The following PDCD6IP variants were observed in gnomAD, a reference collection of about 807,000 sequenced individuals.
PDCD6IP encodes programmed cell death 6 interacting protein.
PDCD6IP carries 43 observed loss-of-function variants against 103.7 expected under a neutral mutation model. That is an observed-to-expected ratio of 0.41 (90% confidence interval 0.32 to 0.53). The LOEUF (loss-of-function observed/expected upper bound fraction) is 0.53, where lower values mean the gene tolerates loss of function less well. Ranked by LOEUF, PDCD6IP falls within the 20% of genes least tolerant of loss-of-function variation. The probability of loss-of-function intolerance (pLI) is 0.16; values close to 1 mark genes in which losing one functional copy is unlikely to be tolerated. For missense variants in PDCD6IP, 871 were observed against 1,036.7 expected, an observed-to-expected ratio of 0.84 and a Z score of 2.20; for synonymous variants, 354 against 378.7, an observed-to-expected ratio of 0.93 and a Z score of 0.76.
intron 12 of PDCD6IP, among the ~76,000 whole-genome samples, chr3:33,848,662 C>G (rs1002969273): frequency 2.6e-5 from 4 of 152,128 alleles, no homozygotes; most frequent in African/African-American, 7.2e-5. Flanking sequence ...CTTGGCCTCC[C>G]AAAGTGCTGG....
intron 7 of PDCD6IP, among the ~76,000 whole-genome samples, chr3:33,835,003 T>C (rs1697316650): frequency 6.6e-6 from 1 of 152,220 alleles, no homozygotes; most frequent in African/African-American, 2.4e-5. Context: ...TATAATTGTT[T>C]ATATAGATAC....
rs1194407247 is a variant in PDCD6IP, at chr3:33,866,346, A to G, written c.2433-5A>G. On this transcript the variant is annotated splice_region_variant and splice_polypyrimidine_tract_variant and intron_variant, in intron 17 of 17. Coordinates refer to ENST00000307296, the MANE Select transcript of PDCD6IP (RefSeq NM_013374.6). ...AATCAAGATTTTTCTGTTTTCTTCT[A>G]TCAGGTATTGCCAAATGCCCATGCC... 14 of 1,405,272 alleles carry G rather than the reference A, an allele frequency of 1.0e-5. No homozygotes were observed. The highest frequency in any genetic ancestry group is 3.1e-5 in the African/African-American group (2 of 65,090). The allele number at this position is 1,405,272 out of a possible 1,614,324, so 87.1% of individuals were successfully genotyped here. A position where few individuals can be genotyped will look rare whatever the true frequency, so the allele number is the denominator to read the frequency against.
intron 17 of PDCD6IP, 56 bp downstream of exon 17, chr3:33,865,486 C>G: frequency 6.9e-7 from 1 of 1,455,678 alleles, no homozygotes; most frequent in Non-Finnish European, 9.2e-7. Context: ...TAGGCTCTGG[C>G]TAACCTGTTA....
At chr3:33,828,763 GTCT>G (rs760259920) in intron 6 of PDCD6IP, 87 bp from the exon 7 acceptor site, 109 of 1,428,462 alleles carry the variant, frequency 7.6e-5, no homozygotes, top group Admixed American at 1.3e-4. Flanking sequence ...TCTAATTTCT[GTCT>G]TCTTTTCCTT....
chr3:33,842,133 A>G (rs1697490543), intron 10 of PDCD6IP, 59 bp downstream of exon 10: 2 of 1,020,500 alleles, frequency 2.0e-6, no homozygotes, highest in East Asian at 4.8e-5. Flanking sequence ...GATGTCCAGC[A>G]GGGATTGGGA....
intron 1 of PDCD6IP, among the ~76,000 whole-genome samples, chr3:33,803,357 G>A (rs1259438609): frequency 1.3e-5 from 2 of 152,186 alleles, no homozygotes; most frequent in Admixed American, 6.5e-5. Context: ...ATGGGTGAGA[G>A]ATAGTACCTT....
rs1697791383 is a variant in PDCD6IP, at chr3:33,854,742, AT to A, written c.2026-423del. Reference sequence around the variant, plus strand: ...ATTTGGTTTAAAATGCTTTGTTTAAATAGGTAAGCTGAGAAAACCCTCCAGA... The same window carrying A: ...ATTTGGTTTAAAATGCTTTGTTTAAAAGGTAAGCTGAGAAAACCCTCCAGA... On this transcript the variant is annotated intron_variant, in intron 14 of 17. Transcript: ENST00000307296. 2.0e-5 allele frequency: 3 copies of A among 153,144 alleles called. No individual in the cohort carries two copies. The South Asian group carries it at 6.2e-4, about 32-fold the overall frequency. The allele number at this position is 153,144 out of a possible 1,614,324, so 9.5% of individuals were successfully genotyped here.
chr3:33,839,466 G>A (rs1423617483), intron 9 of PDCD6IP, among the ~76,000 whole-genome samples: 1 of 76,712 alleles, frequency 1.3e-5, no homozygotes, highest in Non-Finnish European at 2.7e-5. Flanking sequence ...TGGTTATAGG[G>A]CAGTATTCCA....
At chr3:33,814,686 ATG>A (rs1420364307) in intron 3 of PDCD6IP, among the ~76,000 whole-genome samples, 1 of 144,920 alleles carries the variant, frequency 6.9e-6, no homozygotes, top group Admixed American at 7.0e-5. Context: ...TGTGTATATA[ATG>A]TGTATTATAT....
intron 3 of PDCD6IP, among the ~76,000 whole-genome samples, chr3:33,818,764 G>A (rs1009973323): frequency 3.3e-5 from 5 of 151,396 alleles, no homozygotes; most frequent in African/African-American, 7.3e-5. Context: ...TGATCTGTCC[G>A]CCTCAGCCTC....
chr3:33,821,271 AAGTGCTGAGATTACAGG>A (rs375983810), intron 3 of PDCD6IP, among the ~76,000 whole-genome samples: 106 of 152,094 alleles, frequency 7.0e-4, no homozygotes, highest in African/African-American at 2.4e-3. Flanking sequence ...CAGCCTACTA[AAGTGCTGAGATTACAGG>A]AGTGAGCCAC....
chr3:33,852,867 G>A (rs1449688196), intron 13 of PDCD6IP, 131 bp downstream of exon 13: 5 of 1,053,540 alleles, frequency 4.7e-6, no homozygotes, highest in Middle Eastern at 6.8e-4. Flanking sequence ...CTTAATACAT[G>A]TATATTTTGT....
At chr3:33,825,649 C>T (rs945747268) in intron 5 of PDCD6IP, among the ~76,000 whole-genome samples, 1 of 152,180 alleles carries the variant, frequency 6.6e-6, no homozygotes, top group Non-Finnish European at 1.5e-5. Context: ...TGGATACTTA[C>T]TCTGTGCCAG....
intron 1 of PDCD6IP, chr3:33,811,100 G>A (rs919429762): frequency 6.9e-6 from 3 of 434,592 alleles, no homozygotes; most frequent in African/African-American, 6.2e-5. Context: ...TTCCTAGGCT[G>A]GTCTCGAACT....
At chr3:33,799,099 G>C in intron 1 of PDCD6IP, 162 bp downstream of exon 1, 1 of 703,042 alleles carries the variant, frequency 1.4e-6, no homozygotes, top group Non-Finnish European at 2.3e-6. Context: ...TGGTGAGCAG[G>C]ACCCGCCCTG....
intron 7 of PDCD6IP, among the ~76,000 whole-genome samples, chr3:33,834,758 T>A (rs1697312190): frequency 6.6e-6 from 1 of 152,230 alleles, no homozygotes; most frequent in South Asian, 2.1e-4. Context: ...AGACTTGCCT[T>A]ATCTCTTCAT....
intron 16 of PDCD6IP, among the ~76,000 whole-genome samples, chr3:33,864,519 G>A (rs1698023184): frequency 6.6e-6 from 1 of 152,202 alleles, no homozygotes; most frequent in Non-Finnish European, 1.5e-5. Context: ...GATGAAAAGA[G>A]ATGAAAGTTT....
intron 4 of PDCD6IP, among the ~76,000 whole-genome samples, chr3:33,822,458 G>C (rs916712744): frequency 6.6e-6 from 1 of 152,082 alleles, no homozygotes; most frequent in Non-Finnish European, 1.5e-5. Context: ...CTTAGAGTGA[G>C]ACACACTTGA....
chr3:33,813,488 C>T, intron 2 of PDCD6IP, 71 bp from the exon 3 acceptor site: 2 of 935,152 alleles, frequency 2.1e-6, no homozygotes, highest in Non-Finnish European at 3.3e-6. Context: ...GATTTTTCTT[C>T]AAAGAAGACT....
Sources: allele counts gnomAD v4.1 joint callset (sites outside exome capture counted in the v4.1 genomes callset), GRCh38; gene constraint gnomAD v4.1.1; transcripts MANE v1.5; gene names NCBI Gene and HGNC (gene_info 2026-07-23, HGNC 2026-07-21).